The following CSMD1 variants were observed in gnomAD, a reference collection of about 807,000 sequenced individuals.
CSMD1 encodes the protein CUB and Sushi multiple domains 1.
Under a neutral mutation model 417.5 loss-of-function variants are expected in CSMD1, and 213 were observed. That is an observed-to-expected ratio of 0.51 (90% CI 0.46 to 0.57). The LOEUF is 0.57. CSMD1 is among the 20% of genes least tolerant of loss of function. The probability of loss-of-function intolerance (pLI) is 0.00; values close to 1 mark genes in which losing one functional copy is unlikely to be tolerated. For synonymous variants in CSMD1, 2,862 were observed against 1,736.8 expected (o/e 1.65, Z -16.11); for missense variants, 6,923 against 4,529.7 (o/e 1.53, Z -15.17).
At chr8:3,610,427 C>G (rs868189185) in intron 8 of CSMD1, among the ~76,000 whole-genome samples, 1 of 151,680 alleles carries the variant, frequency 6.6e-6, no homozygotes, top group African/African-American at 2.4e-5. Flanking sequence ...CCCAACTACA[C>G]AGGAGATCGA....
chr8:4,950,798 C>T (rs1268362588), intron 1 of CSMD1, among the ~76,000 whole-genome samples: 4 of 152,022 alleles, frequency 2.6e-5, no homozygotes, highest in Non-Finnish European at 5.9e-5. Flanking sequence ...CCGTAAGCAT[C>T]ACCACTCAAC....
At chr8:3,613,095 T>C (rs1267732982) in intron 8 of CSMD1, among the ~76,000 whole-genome samples, 1 of 152,044 alleles carries the variant, frequency 6.6e-6, no homozygotes, top group Non-Finnish European at 1.5e-5. Context: ...GCTGTGAAAT[T>C]ACTACTCATT....
At chr8:4,460,284 G>T (rs955759320) in intron 2 of CSMD1, among the ~76,000 whole-genome samples, 1 of 151,960 alleles carries the variant, frequency 6.6e-6, no homozygotes, top group Non-Finnish European at 1.5e-5. Flanking sequence ...AAAATAATAT[G>T]AACGAAAATG....
At chr8:4,683,198 C>G (rs906700862) in intron 1 of CSMD1, among the ~76,000 whole-genome samples, 1 of 151,798 alleles carries the variant, frequency 6.6e-6, no homozygotes, top group Non-Finnish European at 1.5e-5. Context: ...GTAATATGTT[C>G]ATGAAACAAC....
chr8:3,069,944 C>T (rs543942411), intron 49 of CSMD1, among the ~76,000 whole-genome samples: 288 of 152,312 alleles, frequency 1.9e-3, no homozygotes, highest in Non-Finnish European at 2.9e-3. Flanking sequence ...TTGCATTCTG[C>T]GCACCTACAG....
intron 1 of CSMD1, among the ~76,000 whole-genome samples, chr8:4,709,004 C>A (rs532633795): frequency 7.9e-5 from 12 of 152,082 alleles, no homozygotes; most frequent in Non-Finnish European, 1.5e-4. Context: ...ACCTCCTGAA[C>A]CTTGACAAAA....
At position 3,082,559 on chromosome 8, in the gene CSMD1, G is replaced by A. The variant is rs546590303; in HGVS notation, c.7474+4538C>T. On this transcript the variant is annotated intron_variant, in intron 49 of 69. Transcript: ENST00000635120. ...GGACTAGCAGAGCCATAAGAGCTGG[G>A]AATATTTTTTATTCACCTTGGTACC... Among the ~76,000 whole-genome samples the A allele has an allele frequency of 2.0e-5, 3 of 152,256 alleles. No homozygotes were observed. The East Asian group carries it at 5.8e-4, about 29-fold the overall frequency.
intron 1 of CSMD1, among the ~76,000 whole-genome samples, chr8:4,991,474 A>G (rs1294082478): frequency 6.6e-6 from 1 of 152,172 alleles, no homozygotes; most frequent in Non-Finnish European, 1.5e-5. Flanking sequence ...ACGACTCCGC[A>G]AACAGGTCAC....
At position 3,215,968 on chromosome 8, in the gene CSMD1, T is replaced by A. The variant is rs190569574; in HGVS notation, c.4673-1277A>T. 5.3e-5 allele frequency among the ~76,000 whole-genome samples: 8 copies of A among 150,324 alleles called. No homozygotes were observed. The East Asian group carries it at 1.6e-3, about 29-fold the overall frequency. On this transcript the variant is annotated intron_variant, in intron 29 of 69. Coordinates refer to ENST00000635120, the MANE Select transcript of CSMD1 (RefSeq NM_033225.6). ...TGACTTAATCATCGTATACATTATA[T>A]AAAGAATCTATTATAATAATGTATT... is the stretch of plus-strand genomic sequence containing the variant.
At chr8:4,138,100 A>C (rs1803547453) in intron 3 of CSMD1, among the ~76,000 whole-genome samples, 1 of 100,964 alleles carries the variant, frequency 9.9e-6, no homozygotes, top group Non-Finnish European at 1.8e-5. Flanking sequence ...ATTTTTTAGT[A>C]GAGACGCGGT....
chr8:3,202,565 G>A (rs2116735189), intron 31 of CSMD1, among the ~76,000 whole-genome samples: 1 of 152,140 alleles, frequency 6.6e-6, no homozygotes, highest in East Asian at 1.9e-4. Context: ...CCTGTGATTT[G>A]GTATATACTT....
At chr8:3,816,146 G>A (rs555862781) in intron 5 of CSMD1, among the ~76,000 whole-genome samples, 10 of 152,244 alleles carry the variant, frequency 6.6e-5, no homozygotes, top group African/African-American at 2.2e-4. Context: ...CAGTCTCAAA[G>A]AAAACAAGAT....
intron 37 of CSMD1, among the ~76,000 whole-genome samples, chr8:3,172,381 G>C (rs1024583194): frequency 2.0e-5 from 3 of 151,866 alleles, no homozygotes; most frequent in African/African-American, 7.3e-5. Context: ...TTTTTTCTAG[G>C]GATACTTTTA....
chr8:3,935,992 G>C (rs765162905), intron 5 of CSMD1, among the ~76,000 whole-genome samples: 34 of 152,162 alleles, frequency 2.2e-4, no homozygotes, highest in Non-Finnish European at 4.1e-4. Flanking sequence ...TGCTATTTCA[G>C]TGAATGCAAA....
chr8:3,530,524 GT>G (rs1285111471), intron 10 of CSMD1, among the ~76,000 whole-genome samples: 1 of 152,004 alleles, frequency 6.6e-6, no homozygotes, highest in Non-Finnish European at 1.5e-5. Context: ...TTTTCGTTTT[GT>G]TTTGTTTTTG....
chr8:3,641,700 A>C (rs1198418730), intron 7 of CSMD1, among the ~76,000 whole-genome samples: 1 of 152,200 alleles, frequency 6.6e-6, no homozygotes, highest in Non-Finnish European at 1.5e-5. Context: ...CCAGGAGCTC[A>C]GAACAGGCTG....
At chr8:3,587,729 G>T (rs957026143) in intron 8 of CSMD1, among the ~76,000 whole-genome samples, 2 of 151,986 alleles carry the variant, frequency 1.3e-5, no homozygotes, top group Non-Finnish European at 2.9e-5. Flanking sequence ...TTTTCTAAAG[G>T]GGCATCTCAT....
At chr8:4,531,578 G>T (rs540999176) in intron 2 of CSMD1, among the ~76,000 whole-genome samples, 15 of 152,290 alleles carry the variant, frequency 9.8e-5, no homozygotes, top group African/African-American at 3.6e-4. Context: ...CAGATGTAAA[G>T]TCCTGTATAA....
intron 1 of CSMD1, among the ~76,000 whole-genome samples, chr8:4,956,926 T>C (rs898559192): frequency 6.6e-6 from 1 of 152,274 alleles, no homozygotes; most frequent in Non-Finnish European, 1.5e-5. Flanking sequence ...CACATTCAAT[T>C]GCACTGGACA....
Sources: gnomAD v4.1 joint callset for allele counts (sites outside exome capture counted in the v4.1 genomes callset) on GRCh38, gnomAD v4.1.1 for gene constraint, MANE v1.5 for transcripts, NCBI Gene and HGNC (gene_info 2026-07-23, HGNC 2026-07-21) for gene names.